The following CLXN variants were observed in gnomAD, a reference collection of about 807,000 sequenced individuals.
CLXN encodes the protein calaxin.
At chr8:48,717,923 AAAGAG>A in the CLXN span, among the ~76,000 whole-genome samples, 18 of 152,312 alleles carry the variant, frequency 1.2e-4, no homozygotes, top group African/African-American at 3.8e-4. Context: ...TCATCAAATC[AAAGAG>A]AAAACAACTG....
chr8:48,722,979 CA>C, the CLXN span, among the ~76,000 whole-genome samples: 10 of 151,774 alleles, frequency 6.6e-5, no homozygotes, highest in Non-Finnish European at 1.0e-4. Context: ...TGGTGGTTTC[CA>C]AGGGCTGGGG....
chr8:48,730,462 G>A, the CLXN span: 1 of 916,492 alleles, frequency 1.1e-6, no homozygotes, highest in Non-Finnish European at 1.6e-6. Context: ...TTACTGTCTT[G>A]GTTGAAAGAC....
the CLXN span, among the ~76,000 whole-genome samples, chr8:48,719,961 C>G: frequency 6.6e-6 from 1 of 151,954 alleles, no homozygotes; most frequent in Non-Finnish European, 1.5e-5. Flanking sequence ...TCAGGGACCC[C>G]GAATGGAGGG....
At chr8:48,729,163 C>A in the CLXN span, 15 of 1,576,426 alleles carry the variant, frequency 9.5e-6, no homozygotes, top group Non-Finnish European at 1.3e-5. Flanking sequence ...GAATGAGAAA[C>A]ATGTTAGGCA....
At chr8:48,732,179 C>T in the CLXN span, among the ~76,000 whole-genome samples, 9 of 152,088 alleles carry the variant, frequency 5.9e-5, no homozygotes, top group African/African-American at 1.7e-4. Flanking sequence ...TTATAAATAC[C>T]GAGTTAATTA....
the CLXN span, chr8:48,731,434 C>T: frequency 2.5e-6 from 4 of 1,613,436 alleles, no homozygotes; most frequent in Admixed American, 5.0e-5. Flanking sequence ...AACAACCAGA[C>T]CTTGCCTCTC....
At chr8:48,733,500 T>A in the CLXN span, among the ~76,000 whole-genome samples, 1 of 152,234 alleles carries the variant, frequency 6.6e-6, no homozygotes, top group African/African-American at 2.4e-5. Flanking sequence ...CTTCTTTGAT[T>A]CTACAAAATT....
chr8:48,729,807 CA>C, the CLXN span: 12 of 1,613,492 alleles, frequency 7.4e-6, no homozygotes, highest in Non-Finnish European at 9.3e-6. Context: ...TGTTCTTCAA[CA>C]TGTGAAACAT....
chr8:48,731,946 C>G, the CLXN span, among the ~76,000 whole-genome samples: 2 of 152,078 alleles, frequency 1.3e-5, no homozygotes, highest in Non-Finnish European at 2.9e-5. Context: ...TTCAGTTTAG[C>G]CTTCATTAAT....
chr8:48,721,733 C>CA, the CLXN span, among the ~76,000 whole-genome samples: 3 of 152,112 alleles, frequency 2.0e-5, no homozygotes, highest in African/African-American at 7.2e-5. Flanking sequence ...GGTGTTGGGA[C>CA]AATTGGATTT....
At chr8:48,729,443 A>G in the CLXN span, among the ~76,000 whole-genome samples, 1 of 151,816 alleles carries the variant, frequency 6.6e-6, no homozygotes, top group South Asian at 2.1e-4. Context: ...GAATTGCTTG[A>G]GCCCAAGAGT....
the CLXN span, among the ~76,000 whole-genome samples, chr8:48,722,096 C>A: frequency 3.1e-3 from 471 of 152,064 alleles, 1 homozygote; most frequent in African/African-American, 0.011. Context: ...ACAACAAAAA[C>A]CAAACAAACA....
At chr8:48,719,285 C>T in the CLXN span, among the ~76,000 whole-genome samples, 9 of 152,058 alleles carry the variant, frequency 5.9e-5, no homozygotes, top group Non-Finnish European at 1.0e-4. Flanking sequence ...TCAGAAAGTT[C>T]CTAACAAAGA....
chr8:48,712,536 G>A, the CLXN span: 4 of 152,266 alleles, frequency 2.6e-5, no homozygotes, highest in South Asian at 8.3e-4. Context: ...TGAAGGGTAG[G>A]TAGGAGGCTT....
chr8:48,719,606 G>C, the CLXN span, among the ~76,000 whole-genome samples: 1 of 152,196 alleles, frequency 6.6e-6, no homozygotes, highest in South Asian at 2.1e-4. Context: ...ATGCAAAGAT[G>C]CTTCAGCATA....
At chr8:48,729,010 TG>T in the CLXN span, 1 of 1,533,950 alleles carries the variant, frequency 6.5e-7, no homozygotes, top group South Asian at 1.2e-5. Flanking sequence ...CATTCTACTT[TG>T]ATTACCGTTC....
chr8:48,720,262 C>T, the CLXN span, among the ~76,000 whole-genome samples: 1 of 152,190 alleles, frequency 6.6e-6, no homozygotes, highest in Non-Finnish European at 1.5e-5. Context: ...ACCATAAGGT[C>T]TGACTGCCTG....
At chr8:48,727,037 A>G in the CLXN span, among the ~76,000 whole-genome samples, 1 of 142,712 alleles carries the variant, frequency 7.0e-6, no homozygotes, top group Non-Finnish European at 1.5e-5. Flanking sequence ...CCATCCATTC[A>G]TCCATCCACA....
At chr8:48,723,793 G>C in the CLXN span, 1 of 152,562 alleles carries the variant, frequency 6.6e-6, no homozygotes, top group Non-Finnish European at 1.5e-5. Context: ...TCCAGGCAGT[G>C]GGGGGATGGG....
Sources: allele counts gnomAD v4.1 joint callset (sites outside exome capture counted in the v4.1 genomes callset), GRCh38; gene constraint gnomAD v4.1.1; transcripts MANE v1.5; gene names NCBI Gene and HGNC (gene_info 2026-07-23, HGNC 2026-07-21).